Variants in NRTN observed in about 807,000 individuals in gnomAD.
NRTN encodes neurturin, also known as prepro-neurturin.
Under a neutral mutation model 7.5 loss-of-function variants are expected in NRTN, and 3 were observed. The observed-to-expected ratio is 0.40, with a 90% CI of 0.18 to 1.03. NRTN has a LOEUF of 1.03. Among genes scored for constraint, NRTN ranks in the 50% least tolerant of loss-of-function variants. The pLI, the probability that NRTN is intolerant of heterozygous loss-of-function variation, is 0.34. For missense variants in NRTN, 310 were observed against 307.0 expected (o/e 1.01, Z -0.07); for synonymous variants, 157 against 146.6 (o/e 1.07, Z -0.51).
intron 1 of NRTN, among the ~76,000 whole-genome samples, chr19:5,818,931 C>CTGA (rs1255191385): frequency 6.6e-6 from 1 of 152,160 alleles, no homozygotes; most frequent in Non-Finnish European, 1.5e-5. Context: ...TGGGGAGAGT[C>CTGA]TGAAGCTCCA....
intron 1 of NRTN, among the ~76,000 whole-genome samples, chr19:5,816,837 G>A (rs1169354846): frequency 6.6e-6 from 1 of 152,220 alleles, no homozygotes; most frequent in East Asian, 1.9e-4. Flanking sequence ...TTGAATGAAG[G>A]TGGAAGCGTC....
rs748682606 is a variant in NRTN, at chr19:5,828,019, G to A, written c.440G>A (p.Arg147Gln). 9.1e-6 allele frequency: 13 copies of A among 1,429,510 alleles called. No individual in the cohort carries two copies. Among genetic ancestry groups the A allele is most frequent in the Non-Finnish European group, 1.1e-5 (12 of 1,099,736 alleles). The allele number at this position is 1,429,510 out of a possible 1,614,324, so 88.6% of individuals were successfully genotyped here. A position where few individuals can be genotyped will look rare whatever the true frequency, so the allele number is the denominator to read the frequency against. The change falls in exon 3 of 3, where the codon CGA becomes CAA. Residue 147 changes from arginine to glutamine, a missense_variant. Physicochemically the swap from Arg to Gln is conservative, Grantham distance 43. Coordinates refer to ENST00000303212, the MANE Select transcript of NRTN (RefSeq NM_004558.5). ...CGCGTCTACGACCTCGGGCTGCGAC[G>A]ACTGCGCCAGCGGCGGCGCCTGCGG... Reference protein sequence around the residue: ...AARVYDLGLRRLRQRRRLRRE... With the variant: ...AARVYDLGLRQLRQRRRLRRE...
chr19:5,817,467 G>GAGGA (rs1348118581), intron 1 of NRTN, among the ~76,000 whole-genome samples: 1 of 139,398 alleles, frequency 7.2e-6, no homozygotes, highest in East Asian at 2.3e-4. Context: ...GAGAGAAAGA[G>GAGGA]AGGAAGGAAG....
In NRTN at chr19:5,827,923, T is replaced by A; in HGVS notation, c.344T>A (p.Leu115Gln). 4 of 1,468,792 alleles carry A rather than the reference T, an allele frequency of 2.7e-6. No individual in the cohort carries two copies. The highest frequency in any genetic ancestry group is 3.6e-6 in the Non-Finnish European group (4 of 1,112,658). The allele number at this position is 1,468,792 out of a possible 1,614,324, so 91.0% of individuals were successfully genotyped here. Reference sequence around the variant, plus strand: ...GAGCTGGAGGTGCGCGTGAGCGAGCTGGGCCTGGGCTACGCGTCCGACGAG... The same window carrying A: ...GAGCTGGAGGTGCGCGTGAGCGAGCAGGGCCTGGGCTACGCGTCCGACGAG... ...LRELEVRVSE[L>Q]GLGYASDETV... Residue 115 changes from leucine to glutamine, a missense_variant, in exon 3 of 3, where the codon CTG (leucine) becomes CAG (glutamine). By Grantham distance (113) the Leu-to-Gln change is moderately radical (BLOSUM62 -2). Transcript: ENST00000303212.
chr19:5,810,067 C>T (rs2056985208), intron 1 of NRTN, among the ~76,000 whole-genome samples: 2 of 151,714 alleles, frequency 1.3e-5, no homozygotes, highest in Non-Finnish European at 1.5e-5. Context: ...AGATCAAGAC[C>T]ATCCTAGCTA....
intron 1 of NRTN, among the ~76,000 whole-genome samples, chr19:5,809,083 C>T (rs367784786): frequency 1.8e-4 from 28 of 151,472 alleles, no homozygotes; most frequent in South Asian, 6.3e-4. Flanking sequence ...GTCATCCAGG[C>T]GTCAGCTCAA....
At chr19:5,827,122 C>T (rs1182894612) in intron 2 of NRTN, among the ~76,000 whole-genome samples, 1 of 152,132 alleles carries the variant, frequency 6.6e-6, no homozygotes, top group Admixed American at 6.5e-5. Context: ...GATAGGGAAA[C>T]TGAGGCTCCA....
At chr19:5,813,726 G>A (rs1301951512) in intron 1 of NRTN, among the ~76,000 whole-genome samples, 3 of 151,344 alleles carry the variant, frequency 2.0e-5, no homozygotes, top group African/African-American at 4.9e-5. Context: ...TGTAGTCCCA[G>A]TTACTCGGGA....
intron 1 of NRTN, among the ~76,000 whole-genome samples, chr19:5,812,017 C>A (rs1246468160): frequency 2.0e-5 from 3 of 151,632 alleles, no homozygotes; most frequent in Non-Finnish European, 4.4e-5. Flanking sequence ...CTACAGGCGC[C>A]CAATACCACG....
In NRTN at chr19:5,823,045, GAGAA is replaced by G. The variant is rs1038509277; in HGVS notation, c.-398-712_-398-709del. 2.3e-4 allele frequency among the ~76,000 whole-genome samples: 33 copies of G among 145,816 alleles called. No individual in the cohort carries two copies. In the East Asian group the frequency reaches 2.7e-3, roughly 12 times the overall value. ...TCTCAAAAAAAAAGAAAGAGAGAGA[GAGAA>G]AGAAAGAAAGGAAAGAAAGGAAGAG... On this transcript the variant is annotated intron_variant, in intron 1 of 2. Coordinates refer to ENST00000303212, the MANE Select transcript of NRTN (RefSeq NM_004558.5).
Position 5,823,887 on chromosome 19 carries a change from C to T in NRTN, c.-279C>T. ...GCCATTCTCCTCTGCCTGGCCAACT[C>T]CTACGTTTATTCAAGTCTGGACCTT... On this transcript the variant is annotated 5_prime_UTR_variant, in exon 2 of 3. Coordinates refer to ENST00000303212, the MANE Select transcript of NRTN (RefSeq NM_004558.5). 7.1e-6 allele frequency: 4 copies of T among 563,774 alleles called. No individual in the cohort carries two copies. The East Asian group carries it at 1.2e-4, about 17-fold the overall frequency. The allele number at this position is 563,774 out of a possible 1,614,324, so 34.9% of individuals were successfully genotyped here. A position where few individuals can be genotyped will look rare whatever the true frequency, so the allele number is the denominator to read the frequency against.
intron 1 of NRTN, among the ~76,000 whole-genome samples, chr19:5,810,168 G>A (rs962649391): frequency 2.6e-5 from 4 of 151,176 alleles, no homozygotes; most frequent in African/African-American, 4.9e-5. Flanking sequence ...TCGGGAGGCC[G>A]AGGCAGGAGA....
At chr19:5,810,540 A>C (rs546747983) in intron 1 of NRTN, among the ~76,000 whole-genome samples, 3 of 152,188 alleles carry the variant, frequency 2.0e-5, no homozygotes, top group African/African-American at 7.2e-5. Context: ...AATTAAATGT[A>C]GAGGAAAGCA....
intron 1 of NRTN, among the ~76,000 whole-genome samples, 114 bp downstream of exon 1, chr19:5,805,565 C>T (rs965594602): frequency 6.6e-6 from 1 of 151,944 alleles, no homozygotes; most frequent in Non-Finnish European, 1.5e-5. Context: ...CAGGGGATTC[C>T]CTCCTGCAGC....
At chr19:5,808,245 G>A (rs559741239) in intron 1 of NRTN, among the ~76,000 whole-genome samples, 74 of 152,202 alleles carry the variant, frequency 4.9e-4, no homozygotes, top group African/African-American at 1.7e-3. Context: ...GGCCGCTCCC[G>A]GAGGACCCAT....
At chr19:5,816,081 T>C (rs1198209535) in intron 1 of NRTN, among the ~76,000 whole-genome samples, 1 of 150,266 alleles carries the variant, frequency 6.7e-6, no homozygotes, top group African/African-American at 2.5e-5. Context: ...TTTCTATTTT[T>C]GTAGAGATGG....
At chr19:5,824,561 C>A (rs1187730722) in intron 2 of NRTN, among the ~76,000 whole-genome samples, 1 of 152,208 alleles carries the variant, frequency 6.6e-6, no homozygotes, top group Non-Finnish European at 1.5e-5. Context: ...AGGAGGATCT[C>A]TTGAGCCCAG....
rs566474673 is a variant in NRTN, at chr19:5,815,253, C to T, written c.-398-8515C>T. The stretch of plus-strand genomic sequence containing the variant: ...GTGTCTCTGTGAGACCGGATTACCA[C>T]GTGTGAGTGGGGAAAACCTGTGTGT... On this transcript the variant is annotated intron_variant, in intron 1 of 2. Coordinates refer to ENST00000303212, the MANE Select transcript of NRTN (RefSeq NM_004558.5). 4.3e-4 allele frequency among the ~76,000 whole-genome samples: 66 copies of T among 152,210 alleles called. 1 individual carries two copies. The highest frequency in any genetic ancestry group is 3.4e-3 in the Middle Eastern group (1 of 294).
At chr19:5,816,046 A>AGTTTCACCAGTAT (rs1568397365) in intron 1 of NRTN, among the ~76,000 whole-genome samples, 1 of 151,730 alleles carries the variant, frequency 6.6e-6, no homozygotes, top group African/African-American at 2.4e-5. Context: ...TGCCTGGCCG[A>AGTTTCACCAGTAT]TGGTGTCTTT....
Sources: allele counts gnomAD v4.1 joint callset (sites outside exome capture counted in the v4.1 genomes callset), GRCh38; gene constraint gnomAD v4.1.1; transcripts MANE v1.5; gene names NCBI Gene and HGNC (gene_info 2026-07-23, HGNC 2026-07-21).